Variants in DNAI4 observed in about 807,000 individuals in gnomAD.
DNAI4 encodes the protein WD repeat domain 78.
Under a neutral mutation model 105.8 loss-of-function variants are expected in DNAI4, and 85 were observed. The ratio of observed to expected loss-of-function variants is 0.80; its 90% confidence interval spans 0.67 to 0.96. DNAI4 has a LOEUF of 0.96. Among genes scored for constraint, DNAI4 ranks in the 40% least tolerant of loss-of-function variants. The pLI, the probability that DNAI4 is intolerant of heterozygous loss-of-function variation, is 0.00. For missense variants in DNAI4, 1,014 were observed against 1,005.6 expected (o/e 1.01, Z -0.11); for synonymous variants, 352 against 331.5 (o/e 1.06, Z -0.67).
rs1178975651 is a variant in DNAI4 at position 66,924,628 on chromosome 1, G to C, written c.170+34C>G. On this transcript the variant is annotated intron_variant, in intron 1 of 16. Transcript: ENST00000371026. ...AGAAGGGCTCCCTCCGGGTCCCAGG[G>C]GGATGGACTACGGTTTTTAGCGCCG... 4 of 1,614,070 alleles carry C rather than the reference G, an allele frequency of 2.5e-6. No homozygotes were observed. The African/African-American group carries it at 4.0e-5, about 16-fold the overall frequency.
At chr1:66,849,552 G>A (rs540919383) in intron 7 of DNAI4, among the ~76,000 whole-genome samples, 1 of 152,106 alleles carries the variant, frequency 6.6e-6, no homozygotes, top group East Asian at 1.9e-4. Context: ...TAACTTGAAT[G>A]GAAAAAAGCC....
At chr1:66,853,569 A>G (rs983414147) in intron 7 of DNAI4, among the ~76,000 whole-genome samples, 2 of 152,240 alleles carry the variant, frequency 1.3e-5, no homozygotes, top group African/African-American at 4.8e-5. Flanking sequence ...ATTTCCAACA[A>G]GTGTCCCACA....
At chr1:66,870,140 A>G (rs191783414) in intron 6 of DNAI4, among the ~76,000 whole-genome samples, 16 of 152,296 alleles carry the variant, frequency 1.1e-4, no homozygotes, top group African/African-American at 3.6e-4. Context: ...TAATAAAGGC[A>G]ATTAAGAATA....
chr1:66,834,323 C>T (rs1405260457), intron 11 of DNAI4, among the ~76,000 whole-genome samples, 175 bp from the exon 12 acceptor site: 2 of 151,920 alleles, frequency 1.3e-5, no homozygotes, highest in African/African-American at 4.8e-5. Flanking sequence ...AAGACAACCA[C>T]TTTTCTACTT....
At chr1:66,848,813 T>A (rs1646333157) in intron 7 of DNAI4, among the ~76,000 whole-genome samples, 1 of 152,148 alleles carries the variant, frequency 6.6e-6, no homozygotes, top group African/African-American at 2.4e-5. Flanking sequence ...AGGAAAAGCA[T>A]AGCCTTGAAA....
At chr1:66,854,907 C>T (rs1257936535) in intron 7 of DNAI4, among the ~76,000 whole-genome samples, 1 of 152,174 alleles carries the variant, frequency 6.6e-6, no homozygotes, top group Non-Finnish European at 1.5e-5. Context: ...GATTGAAAGA[C>T]TTAACACAGT....
At position 66,903,260 on chromosome 1, in the gene DNAI4, T is replaced by C. The variant is rs541395486; in HGVS notation, c.345+1941A>G. Among the ~76,000 whole-genome samples, 4 of 152,328 alleles carry C rather than the reference T, an allele frequency of 2.6e-5. 1 individual carries two copies. In the Middle Eastern group the frequency reaches 0.014, roughly 518 times the overall value. On this transcript the variant is annotated intron_variant, in intron 2 of 16. Coordinates refer to ENST00000371026, the MANE Select transcript of DNAI4 (RefSeq NM_024763.5). ...GCATACAAATCTTTGGCCTCCTTTG[T>C]TATGTTTATCCCTAAGTATTTCATT...
chr1:66,858,563 C>T (rs1037465047), intron 7 of DNAI4, among the ~76,000 whole-genome samples: 13 of 133,830 alleles, frequency 9.7e-5, no homozygotes, highest in African/African-American at 3.7e-4. Context: ...CAAAAATCCT[C>T]AACAAAATAT....
chr1:66,826,790 A>AT (rs34718535), intron 15 of DNAI4, 30 bp downstream of exon 15: 796,734 of 1,603,260 alleles, frequency 0.5, 201,263 homozygotes, highest in South Asian at 0.59. Flanking sequence ...TGCTTCTACT[A>AT]AAATTTATGC....
At chr1:66,903,357 C>T (rs966588301) in intron 2 of DNAI4, among the ~76,000 whole-genome samples, 6 of 152,056 alleles carry the variant, frequency 3.9e-5, no homozygotes, top group African/African-American at 1.2e-4. Context: ...AGAAATGCAA[C>T]TAATTTGTGT....
chr1:66,885,298 G>C (rs1420489135), intron 4 of DNAI4, among the ~76,000 whole-genome samples: 1 of 152,168 alleles, frequency 6.6e-6, no homozygotes, highest in Non-Finnish European at 1.5e-5. Flanking sequence ...TTATGTAGAT[G>C]CAAGTTTCTG....
At chr1:66,896,097 A>C (rs1648314208) in intron 2 of DNAI4, among the ~76,000 whole-genome samples, 1 of 152,136 alleles carries the variant, frequency 6.6e-6, no homozygotes, top group Non-Finnish European at 1.5e-5. Context: ...ACCCACTTTT[A>C]GTGTTCTGTT....
At chr1:66,885,638 G>A (rs1431357010) in intron 4 of DNAI4, among the ~76,000 whole-genome samples, 1 of 151,976 alleles carries the variant, frequency 6.6e-6, no homozygotes, top group Admixed American at 6.6e-5. Flanking sequence ...CAGGAGAATC[G>A]CTTGAACCCA....
chr1:66,864,084 G>A (rs937292615), intron 6 of DNAI4, among the ~76,000 whole-genome samples: 3 of 152,100 alleles, frequency 2.0e-5, no homozygotes, highest in Admixed American at 2.0e-4. Context: ...ATTAAAAGTT[G>A]ACTCTTATTT....
intron 16 of DNAI4, among the ~76,000 whole-genome samples, chr1:66,817,620 TG>T (rs1239798406): frequency 6.6e-6 from 1 of 151,294 alleles, no homozygotes; most frequent in Non-Finnish European, 1.5e-5. Context: ...TCTAATCAGA[TG>T]GCATTTAAAC....
chr1:66,827,164 G>T, intron 14 of DNAI4, 118 bp from the exon 15 acceptor site: 1 of 821,316 alleles, frequency 1.2e-6, no homozygotes. Flanking sequence ...TTATTGTGTG[G>T]GCATTATTTT....
At chr1:66,886,530 C>T (rs987588166) in intron 4 of DNAI4, among the ~76,000 whole-genome samples, 1 of 152,072 alleles carries the variant, frequency 6.6e-6, no homozygotes, top group Admixed American at 6.6e-5. Context: ...GTATCAAAAC[C>T]TTTCTTGTTT....
chr1:66,824,336 A>G (rs373457507), intron 15 of DNAI4, among the ~76,000 whole-genome samples: 1 of 150,304 alleles, frequency 6.7e-6, no homozygotes, highest in Non-Finnish European at 1.5e-5. Flanking sequence ...TTTGAAGTCA[A>G]GTAGTGTGAT....
chr1:66,897,063 T>C (rs1352648067), intron 2 of DNAI4, among the ~76,000 whole-genome samples: 1 of 152,200 alleles, frequency 6.6e-6, no homozygotes, highest in Non-Finnish European at 1.5e-5. Context: ...AGTCTGAATC[T>C]TTTTAATTGC....
Sources: gnomAD v4.1 joint callset for allele counts (sites outside exome capture counted in the v4.1 genomes callset) on GRCh38, gnomAD v4.1.1 for gene constraint, MANE v1.5 for transcripts, NCBI Gene and HGNC (gene_info 2026-07-23, HGNC 2026-07-21) for gene names.